The following AKT2 variants were observed in gnomAD, a reference collection of about 807,000 sequenced individuals.
AKT2 encodes the protein RAC-beta serine/threonine-protein kinase.
In AKT2, 16 loss-of-function variants were observed where a neutral mutation model predicts 58.6. That is an observed-to-expected ratio of 0.27 (90% CI 0.18 to 0.41). AKT2 has a LOEUF of 0.41. AKT2 is among the 10% of genes least tolerant of loss of function. AKT2 has a pLI of 1.00. For missense variants in AKT2, 438 were observed against 661.0 expected, an observed-to-expected ratio of 0.66 and a Z score of 3.70; for synonymous variants, 253 against 254.0, an observed-to-expected ratio of 1.00 and a Z score of 0.04.
At chr19:40,244,974 G>T (rs1346756242) in intron 4 of AKT2, among the ~76,000 whole-genome samples, 6 of 152,208 alleles carry the variant, frequency 3.9e-5, no homozygotes, top group Admixed American at 3.9e-4. Context: ...TCCACATTTT[G>T]ACACTGCTGG....
rs541724029 is a variant in AKT2, at chr19:40,261,699, G to C, written c.46+3523C>G. ...TGTTCATTATAAATTACCCAGTCTC[G>C]GGTAATATGTTATAGCAGCACAGAA... is the stretch of plus-strand genomic sequence containing the variant. On this transcript the variant is annotated intron_variant, in intron 2 of 13. Transcript: ENST00000392038. 3.9e-5 allele frequency among the ~76,000 whole-genome samples: 6 copies of C among 151,996 alleles called. No individual in the cohort carries two copies. In the East Asian group the frequency reaches 1.2e-3, roughly 29 times the overall value.
intron 2 of AKT2, among the ~76,000 whole-genome samples, chr19:40,262,437 G>A (rs144464455): frequency 6.4e-4 from 97 of 152,292 alleles, no homozygotes; most frequent in African/African-American, 1.7e-3. Flanking sequence ...CCTCTAAACC[G>A]GCAGATGGAG....
rs1373751808 is a variant in AKT2, at chr19:40,238,936, C to T, written c.677G>A (p.Cys226Tyr). Residue 226 changes from cysteine to tyrosine, a missense_variant, in exon 8 of 14, where the codon TGC (cysteine) becomes TAC (tyrosine). Cys to Tyr is a radical substitution (Grantham distance 194). Transcript: ENST00000392038. This position sits in a 1 kb window ranked among gnomAD's most constrained non-coding sequence, Gnocchi z 5.1. ...CCCGTTGGCATACTCCATCACAAAG[C>T]ACAGGCGGTCGTGGGTCTGGAAGGC... ...KYAFQTHDRL[C>Y]FVMEYANGGE... 1.2e-6 allele frequency: 2 copies of T among 1,614,120 alleles called. No homozygotes were observed. Among genetic ancestry groups the T allele is most frequent in the Middle Eastern group, 1.7e-4 (1 of 6,060 alleles).
At chr19:40,261,382 A>C (rs1351314220) in intron 2 of AKT2, among the ~76,000 whole-genome samples, 3 of 151,486 alleles carry the variant, frequency 2.0e-5, no homozygotes, top group Non-Finnish European at 4.4e-5. Context: ...ATAATACAAA[A>C]ATTAGCCAAG....
chr19:40,239,732 C>T (rs540731003), intron 7 of AKT2: 43 of 542,504 alleles, frequency 7.9e-5, no homozygotes, highest in African/African-American at 6.8e-4. Flanking sequence ...ATAATGTTTC[C>T]ACTTCAACCA....
chr19:40,248,210 A>G (rs1262154550), intron 4 of AKT2, among the ~76,000 whole-genome samples: 2 of 152,208 alleles, frequency 1.3e-5, no homozygotes, highest in Non-Finnish European at 2.9e-5. Flanking sequence ...GTGAGGCACT[A>G]GAGGGTCCTA....
Position 40,261,532 on chromosome 19 carries a change from C to CAA in AKT2, c.46+3688_46+3689dup, listed in dbSNP as rs34120640. Among the ~76,000 whole-genome samples the CAA allele has an allele frequency of 3.2e-3, 437 of 134,750 alleles. 5 individuals carry two copies. The East Asian group carries it at 0.048, about 15-fold the overall frequency. 88.4% of individuals were successfully genotyped at this position (134,750 alleles called of 152,430 possible). Reference sequence around the variant, plus strand: ...TGGGCGACAGAGCAAGACTCCATCTCAAAAAAAAAAAAAAACAAGACAAGT... The same window carrying CAA: ...TGGGCGACAGAGCAAGACTCCATCTCAAAAAAAAAAAAAAAAACAAGACAAGT... On this transcript the variant is annotated intron_variant, in intron 2 of 13. Transcript: ENST00000392038.
At chr19:40,256,687 G>A (rs367551346) in intron 3 of AKT2, among the ~76,000 whole-genome samples, 1 of 152,342 alleles carries the variant, frequency 6.6e-6, no homozygotes. Context: ...GGCGATGCAT[G>A]GGGCTGGGTG....
At chr19:40,265,118 C>CT in intron 2 of AKT2, 104 bp downstream of exon 2, 1 of 1,516,902 alleles carries the variant, frequency 6.6e-7, no homozygotes, top group East Asian at 2.4e-5. Context: ...GGAATGCTGG[C>CT]TCCTCAGGCT....
In AKT2 at chr19:40,234,364, G is replaced by A; in HGVS notation, c.1367-413C>T. The A allele has an allele frequency of 4.3e-6, 1 of 232,480 alleles. No individual in the cohort carries two copies. 14.4% of individuals were successfully genotyped at this position (232,480 alleles called of 1,614,324 possible). A position where few individuals can be genotyped will look rare whatever the true frequency, so the allele number is the denominator to read the frequency against. On this transcript the variant is annotated intron_variant, in intron 13 of 13. Transcript: ENST00000392038. The surrounding 1 kb of genome is among the most constrained non-coding windows in gnomAD (Gnocchi z 4.7). ...CCTCTCTGTATGAAACCCTTCCATG[G>A]CTGGCTCCCGCCATGCAAGCAGTCC...
rs1393025798 is a variant in AKT2 at position 40,242,971 on chromosome 19, AC to A, written c.288-285del. 1 of 407,038 alleles carries A rather than the reference AC, an allele frequency of 2.5e-6. No homozygotes were observed. The highest frequency in any genetic ancestry group is 4.7e-6 in the Non-Finnish European group (1 of 213,750). The allele number at this position is 407,038 out of a possible 1,614,324, so 25.2% of individuals were successfully genotyped here. On this transcript the variant is annotated intron_variant, in intron 4 of 13. Coordinates refer to ENST00000392038, the MANE Select transcript of AKT2 (RefSeq NM_001626.6). This position sits in a 1 kb window ranked among gnomAD's most constrained non-coding sequence, Gnocchi z 4.3. ...AGACCAGCCTGGCCAACATGGTGAA[AC>A]CCCGTCTCTACTAAAAATACAAAAA...
Position 40,233,498 on chromosome 19 carries a change from G to C in AKT2, c.*374C>G. ...ACCAGAAGGCAGCCTTCGTCCAGAT[G>C]CAGCAGCGCGGAGGCAGACACCAGC... On this transcript the variant is annotated 3_prime_UTR_variant, in exon 14 of 14. Transcript: ENST00000392038. The surrounding 1 kb of genome is among the most constrained non-coding windows in gnomAD (Gnocchi z 4.3). 1 of 578,966 alleles carries C rather than the reference G, an allele frequency of 1.7e-6. No homozygotes were observed. The highest frequency in any genetic ancestry group is 2.0e-5 in the Admixed American group (1 of 49,690). 35.9% of individuals were successfully genotyped at this position (578,966 alleles called of 1,614,324 possible).
intron 2 of AKT2, among the ~76,000 whole-genome samples, chr19:40,257,410 G>A (rs1975614702): frequency 6.6e-6 from 1 of 152,220 alleles, no homozygotes; most frequent in South Asian, 2.1e-4. Flanking sequence ...CATGCCCTGT[G>A]GCCCTGTAAG....
intron 4 of AKT2, among the ~76,000 whole-genome samples, chr19:40,246,837 A>G (rs1974781500): frequency 2.6e-5 from 4 of 152,172 alleles, no homozygotes; most frequent in Admixed American, 2.6e-4. Flanking sequence ...TGGCTCTGCC[A>G]CCTGGACCAG....
intron 6 of AKT2, chr19:40,241,544 CA>C (rs1974406429): frequency 3.7e-6 from 1 of 270,306 alleles, no homozygotes; most frequent in Non-Finnish European, 7.3e-6. Context: ...TGGAATCTTC[CA>C]CTACAAAAAA....
In AKT2 at chr19:40,237,572, G is replaced by A; in HGVS notation, c.831+397C>T. On this transcript the variant is annotated intron_variant, in intron 9 of 13. Transcript: ENST00000392038. This position sits in a 1 kb window ranked among gnomAD's most constrained non-coding sequence, Gnocchi z 4.5. ...AGGCAGGACAATCGCTTGAACCCGG[G>A]AGGCAGAGGTTGCAGCGAGCCGAGA... The A allele has an allele frequency of 5.1e-6, 1 of 194,960 alleles. No individual in the cohort carries two copies. Among genetic ancestry groups the A allele is most frequent in the Admixed American group, 5.5e-5 (1 of 18,260 alleles). The allele number at this position is 194,960 out of a possible 1,614,324, so 12.1% of individuals were successfully genotyped here.
At position 40,265,418 on chromosome 19, in the gene AKT2, G is replaced by A. The variant is rs556737417; in HGVS notation, c.-84-67C>T. 129 of 1,518,046 alleles carry A rather than the reference G, an allele frequency of 8.5e-5. No individual in the cohort carries two copies. In the South Asian group the frequency reaches 1.3e-3, roughly 15 times the overall value. The allele number at this position is 1,518,046 out of a possible 1,614,324, so 94.0% of individuals were successfully genotyped here. On this transcript the variant is annotated intron_variant, in intron 1 of 13. Transcript: ENST00000392038. ...CCACACCAGCCCCTTCCCTGAGGAC[G>A]CCGGGCTCTGAGGCCCTCTGGCTGT...
chr19:40,271,426 CA>C (rs60327122), intron 1 of AKT2, among the ~76,000 whole-genome samples: 13,657 of 68,586 alleles, frequency 0.2, 805 homozygotes, highest in African/African-American at 0.31. Flanking sequence ...GACCCTGTCT[CA>C]AAAAAAAAAA....
At chr19:40,257,193 G>T in intron 2 of AKT2, 139 bp from the exon 3 acceptor site, 1 of 1,176,094 alleles carries the variant, frequency 8.5e-7, no homozygotes, top group Non-Finnish European at 1.2e-6. Context: ...ACACGAGAAT[G>T]CCTCTCCCAG....
Sources: gnomAD v4.1 joint callset for allele counts (sites outside exome capture counted in the v4.1 genomes callset) on GRCh38, gnomAD v4.1.1 for gene constraint, Gnocchi (gnomAD v3.1) non-coding constraint, MANE v1.5 for transcripts, NCBI Gene and HGNC (gene_info 2026-07-23, HGNC 2026-07-21) for gene names.